Variants in KCNJ6 observed in about 807,000 individuals in gnomAD.
KCNJ6 encodes the protein potassium inwardly rectifying channel subfamily J member 6, also known as G protein-activated inward rectifier potassium channel 2.
KCNJ6 carries 9 observed loss-of-function variants against 34.2 expected under a neutral mutation model. The observed-to-expected ratio is 0.26, with a 90% CI of 0.16 to 0.46. The LOEUF is 0.46. Ranked by LOEUF, KCNJ6 falls within the 20% of genes least tolerant of loss-of-function variation. The pLI is 1.00. For synonymous variants in KCNJ6, 196 were observed against 207.1 expected (o/e 0.95, Z 0.46); for missense variants, 236 against 531.3 (o/e 0.44, Z 5.46).
chr21:37,692,589 T>C (rs958414219), intron 3 of KCNJ6, among the ~76,000 whole-genome samples: 1 of 152,116 alleles, frequency 6.6e-6, no homozygotes, highest in African/African-American at 2.4e-5. Flanking sequence ...GAGACAACAT[T>C]CTCTTCTGCC....
rs561646245 is a variant in KCNJ6 at position 37,661,929 on chromosome 21, AAG to A, written c.947-36447_947-36446del. Among the ~76,000 whole-genome samples, 255 of 146,222 alleles carry A rather than the reference AAG, an allele frequency of 1.7e-3. 1 individual carries two copies. The highest frequency in any genetic ancestry group is 2.5e-3 in the Non-Finnish European group (163 of 65,012). On this transcript the variant is annotated intron_variant, in intron 3 of 3. Coordinates refer to ENST00000609713, the MANE Select transcript of KCNJ6 (RefSeq NM_002240.5). ...AGGCTTGAGCCACTGCGCCCAGCCT[AAG>A]AGACATAATTCTAATAAAATTTTAC...
intron 2 of KCNJ6, among the ~76,000 whole-genome samples, chr21:37,724,904 G>A (rs1305546165): frequency 6.6e-6 from 1 of 151,798 alleles, no homozygotes; most frequent in Non-Finnish European, 1.5e-5. Context: ...GGATTTAAAG[G>A]CAAAAAATAA....
At chr21:37,689,912 A>G (rs1193325376) in intron 3 of KCNJ6, among the ~76,000 whole-genome samples, 1 of 152,120 alleles carries the variant, frequency 6.6e-6, no homozygotes, top group African/African-American at 2.4e-5. Flanking sequence ...TGGGTCTCAC[A>G]TGGCCAAGAC....
chr21:37,913,838 C>T (rs1255842347), intron 1 of KCNJ6, among the ~76,000 whole-genome samples: 1 of 152,174 alleles, frequency 6.6e-6, no homozygotes, highest in African/African-American at 2.4e-5. Context: ...AAAGAAATAA[C>T]AAACTTGGTT....
Position 37,850,002 on chromosome 21 carries a change from T to G in KCNJ6, c.-27-9293A>C, listed in dbSNP as rs367998961. Among the ~76,000 whole-genome samples, 68 of 152,260 alleles carry G rather than the reference T, an allele frequency of 4.5e-4. 1 individual carries two copies. Among genetic ancestry groups the G allele is most frequent in the African/African-American group, 1.5e-3 (63 of 41,542 alleles). ...CTGAACAGCTGTGAGTTTCCTGACA[T>G]GAGATGCTGACCAGTCATTTGTTCA... On this transcript the variant is annotated intron_variant, in intron 1 of 3. Transcript: ENST00000609713.
intron 2 of KCNJ6, among the ~76,000 whole-genome samples, chr21:37,836,793 A>G (rs2055453811): frequency 6.6e-6 from 1 of 152,094 alleles, no homozygotes; most frequent in Non-Finnish European, 1.5e-5. Context: ...AATGTAGATG[A>G]TGGGTTGATG....
At chr21:37,841,900 G>A (rs181418564) in intron 1 of KCNJ6, among the ~76,000 whole-genome samples, 9 of 152,308 alleles carry the variant, frequency 5.9e-5, no homozygotes, top group African/African-American at 2.2e-4. Context: ...CTTGTCCTGT[G>A]CAAGTTATTT....
chr21:37,873,696 C>T (rs1167735870), intron 1 of KCNJ6, among the ~76,000 whole-genome samples: 1 of 152,150 alleles, frequency 6.6e-6, no homozygotes, highest in Admixed American at 6.5e-5. Flanking sequence ...TCTCCCTGTT[C>T]TCTCTTCTTA....
Position 37,612,724 on chromosome 21 carries a change from CAAAAAAAAAAAA to C in KCNJ6, c.*12423_*12434del, listed in dbSNP as rs3035306. On this transcript the variant is annotated 3_prime_UTR_variant, in exon 4 of 4. Coordinates refer to ENST00000609713, the MANE Select transcript of KCNJ6 (RefSeq NM_002240.5). ...AGCTGCACATTTGCACATCCACAGG[CAAAAAAAAAAAA>C]AAAAAAAAGAGTCTAAATACAGACC... 1 of 107,772 alleles carries C rather than the reference CAAAAAAAAAAAA, an allele frequency of 9.3e-6. No individual in the cohort carries two copies. The highest frequency in any genetic ancestry group is 3.6e-5 in the African/African-American group (1 of 28,004). The allele number at this position is 107,772 out of a possible 1,614,324, so 6.7% of individuals were successfully genotyped here.
intron 3 of KCNJ6, among the ~76,000 whole-genome samples, chr21:37,707,111 A>AG (rs369367420): frequency 1 from 152,369 of 152,372 alleles, 76,183 homozygotes; most frequent in Non-Finnish European, 1. Context: ...TCATGGCAGT[A>AG]CCCGGGCAGA....
In KCNJ6 at chr21:37,617,123, CCTTCCTTCTTTCT is replaced by C. The variant is rs1177860151; in HGVS notation, c.*8023_*8035del. 2.2e-4 allele frequency: 27 copies of C among 123,582 alleles called. No homozygotes were observed. The highest frequency in any genetic ancestry group is 8.5e-4 in the African/African-American group (26 of 30,568). 7.7% of individuals were successfully genotyped at this position (123,582 alleles called of 1,614,324 possible). ...TTCTTTCTTTCTTTCCTTCTTCCTTCCTTCCTTCTTTCTTTCCTTCCTTCCTTCCTTCTTTCTT... is the reference window on the plus strand; with the variant it reads ...TTCTTTCTTTCTTTCCTTCTTCCTTCTTCCTTCCTTCCTTCCTTCTTTCTT... On this transcript the variant is annotated 3_prime_UTR_variant, in exon 4 of 4. Coordinates refer to ENST00000609713, the MANE Select transcript of KCNJ6 (RefSeq NM_002240.5).
At chr21:37,645,035 T>G (rs1236753266) in intron 3 of KCNJ6, among the ~76,000 whole-genome samples, 13 of 143,044 alleles carry the variant, frequency 9.1e-5, no homozygotes, top group African/African-American at 2.8e-4. Context: ...TTTTTTTTTT[T>G]GTGAAAAAAC....
intron 1 of KCNJ6, among the ~76,000 whole-genome samples, chr21:37,865,188 T>C (rs1486266583): frequency 6.6e-6 from 1 of 152,174 alleles, no homozygotes; most frequent in African/African-American, 2.4e-5. Context: ...TGATAGGTGA[T>C]TCAGATATGC....
At chr21:37,774,279 T>C (rs1265894841) in intron 2 of KCNJ6, among the ~76,000 whole-genome samples, 1 of 152,212 alleles carries the variant, frequency 6.6e-6, no homozygotes, top group Non-Finnish European at 1.5e-5. Context: ...GAGTGCTGAA[T>C]AATTGTTTGG....
intron 2 of KCNJ6, among the ~76,000 whole-genome samples, chr21:37,797,185 G>T (rs73206058): frequency 0.42 from 63,758 of 151,810 alleles, 15,627 homozygotes; most frequent in Non-Finnish European, 0.53. Context: ...TGAGTAGCTG[G>T]GATTACAAGC....
At chr21:37,836,291 G>A (rs1247489146) in intron 2 of KCNJ6, among the ~76,000 whole-genome samples, 5 of 152,152 alleles carry the variant, frequency 3.3e-5, no homozygotes, top group Non-Finnish European at 7.4e-5. Context: ...ACTGTTGGTG[G>A]GAGTGTAAAT....
chr21:37,858,389 T>A (rs2055575957), intron 1 of KCNJ6, among the ~76,000 whole-genome samples: 1 of 52,698 alleles, frequency 1.9e-5, no homozygotes. Context: ...CAAGACTCCG[T>A]CTCAAAAAAA....
intron 2 of KCNJ6, among the ~76,000 whole-genome samples, chr21:37,769,470 C>T (rs939459899): frequency 6.7e-6 from 1 of 149,166 alleles, no homozygotes; most frequent in Admixed American, 6.6e-5. Context: ...TAGCAGAACA[C>T]TTTATTTTCA....
At chr21:37,780,929 G>A (rs1298079494) in intron 2 of KCNJ6, among the ~76,000 whole-genome samples, 1 of 152,182 alleles carries the variant, frequency 6.6e-6, no homozygotes, top group Non-Finnish European at 1.5e-5. Context: ...GGCAGAATGA[G>A]AGAAAAGGAG....
Sources: allele counts gnomAD v4.1 joint callset (sites outside exome capture counted in the v4.1 genomes callset), GRCh38; gene constraint gnomAD v4.1.1; transcripts MANE v1.5; gene names NCBI Gene and HGNC (gene_info 2026-07-23, HGNC 2026-07-21).